RIPK3: variants seen among roughly 807,000 people sequenced by gnomAD.
RIPK3 encodes receptor-interacting serine/threonine-protein kinase 3.
Under a neutral mutation model 51.6 loss-of-function variants are expected in RIPK3, and 51 were observed. The observed-to-expected ratio is 0.99, with a 90% CI of 0.79 to 1.25. The LOEUF is 1.25. Ranked by LOEUF, RIPK3 falls within the 50% of genes most tolerant of loss-of-function variation. RIPK3 has a pLI of 0.00. For missense variants in RIPK3, 654 were observed against 650.4 expected, an observed-to-expected ratio of 1.01 and a Z score of -0.06; for synonymous variants, 246 against 257.7, an observed-to-expected ratio of 0.95 and a Z score of 0.44.
Position 24,337,522 on chromosome 14 carries a change from G to A in RIPK3, c.901-62C>T, listed in dbSNP as rs2042148237. The A allele has an allele frequency of 2.5e-6, 4 of 1,611,410 alleles. No homozygotes were observed. The East Asian group carries it at 6.7e-5, about 27-fold the overall frequency. ...GATGAGCCAGAGTAAACCCAAGGGA[G>A]TAGTCTCTCGGTCCATAATCTGTTG... On this transcript the variant is annotated intron_variant, in intron 7 of 9. Coordinates refer to ENST00000216274, the MANE Select transcript of RIPK3 (RefSeq NM_006871.4).
In RIPK3 at chr14:24,339,313, G is replaced by A; in HGVS notation, c.173C>T (p.Ser58Phe). The A allele has an allele frequency of 6.2e-7, 1 of 1,611,346 alleles. No individual in the cohort carries two copies. Among genetic ancestry groups the A allele is most frequent in the South Asian group, 1.1e-5 (1 of 91,038 alleles). The part of the protein sequence containing the change: ...AVKIVNSKAI[S>F]REVKAMASLD... ...ACTTGCCATGGCCTTGACCTCCCTG[G>A]ATATCGCCTTCCTACACTCCAGGAG... Residue 58 changes from serine to phenylalanine, a missense_variant, in exon 3 of 10, where the codon TCC (serine) becomes TTC (phenylalanine). By Grantham distance (155) the Ser-to-Phe change is radical. Coordinates refer to ENST00000216274, the MANE Select transcript of RIPK3 (RefSeq NM_006871.4). The surrounding 1 kb of genome is among the most constrained non-coding windows in gnomAD (Gnocchi z 4.0).
In RIPK3 at chr14:24,339,724, C is replaced by G. The variant is rs146455083; in HGVS notation, c.20+83G>C. On this transcript the variant is annotated intron_variant, in intron 1 of 9. Transcript: ENST00000216274. This position sits in a 1 kb window ranked among gnomAD's most constrained non-coding sequence, Gnocchi z 4.0. ...CGCCGGCCCCCACCGTCCCCGGACTCAAAGACGTTCTCTGAGCGAGTCTGT... is the reference window on the plus strand; with the variant it reads ...CGCCGGCCCCCACCGTCCCCGGACTGAAAGACGTTCTCTGAGCGAGTCTGT... 4.4e-3 allele frequency: 6,984 copies of G among 1,571,320 alleles called. 39 individuals carry two copies. The highest frequency in any genetic ancestry group is 0.016 in the Middle Eastern group (91 of 5,856).
rs764665306 is a variant in RIPK3, at chr14:24,339,847, G to C, written c.-21C>G. 1.0e-5 allele frequency: 16 copies of C among 1,551,928 alleles called. No homozygotes were observed. The highest frequency in any genetic ancestry group is 1.4e-5 in the Non-Finnish European group (16 of 1,153,970). On this transcript the variant is annotated 5_prime_UTR_variant, in exon 1 of 10. Transcript: ENST00000216274. The surrounding 1 kb of genome is among the most constrained non-coding windows in gnomAD (Gnocchi z 4.0). ...GACATCAGGCTGGAAGGTGCCAGGGGGCCTCTGGAAATTGCGAGCCGTAGG... is the reference window on the plus strand; with the variant it reads ...GACATCAGGCTGGAAGGTGCCAGGGCGCCTCTGGAAATTGCGAGCCGTAGG...
In RIPK3 at chr14:24,337,317, C is replaced by T. The variant is rs1305967014; in HGVS notation, c.1044G>A (p.Trp348Ter). ...HSRNDVMVSE[W>*]LNKLNLEEPP... ...GCTCCTCTAGATTCAGTTTGTTTAG[C>T]CACTCAGAAACCATGACATCATTAC... is the stretch of plus-strand genomic sequence containing the variant. Residue 348 changes from tryptophan to a stop codon, truncating the protein, a stop_gained, in exon 8 of 10, where the codon TGG becomes TGA. Transcript: ENST00000216274. LOFTEE classifies it high-confidence loss of function. 6.2e-7 allele frequency: 1 copy of T among 1,614,066 alleles called. No individual in the cohort carries two copies. The highest frequency in any genetic ancestry group is 1.7e-5 in the Admixed American group (1 of 60,016).
intron 3 of RIPK3, 64 bp downstream of exon 3, chr14:24,338,951 C>T (rs775177041): frequency 2.7e-5 from 35 of 1,320,624 alleles, no homozygotes; most frequent in South Asian, 8.3e-5. Flanking sequence ...TAGTGTCCGG[C>T]GGGCCTGGCT....
In RIPK3 at chr14:24,339,701, C is replaced by G; in HGVS notation, c.21-104G>C. ...TCACTGCAATCCCCAGCCTCCCTCG[C>G]CGGCCCCCACCGTCCCCGGACTCAA... is the stretch of plus-strand genomic sequence containing the variant. On this transcript the variant is annotated intron_variant, in intron 1 of 9. Coordinates refer to ENST00000216274, the MANE Select transcript of RIPK3 (RefSeq NM_006871.4). This position sits in a 1 kb window ranked among gnomAD's most constrained non-coding sequence, Gnocchi z 4.0. 6.3e-7 allele frequency: 1 copy of G among 1,579,856 alleles called. No individual in the cohort carries two copies. Among genetic ancestry groups the G allele is most frequent in the South Asian group, 1.2e-5 (1 of 86,580 alleles).
Position 24,339,946 on chromosome 14 carries a change from T to C in RIPK3, c.-120A>G. 1.9e-6 allele frequency: 2 copies of C among 1,077,146 alleles called. No individual in the cohort carries two copies. Among genetic ancestry groups the C allele is most frequent in the South Asian group, 1.8e-5 (1 of 55,922 alleles). 66.7% of individuals were successfully genotyped at this position (1,077,146 alleles called of 1,614,324 possible). A position where few individuals can be genotyped will look rare whatever the true frequency, so the allele number is the denominator to read the frequency against. ...GTCTGTCTGTGCAGGGGTCAGTCTC[T>C]AGACCAAGACGGTGAGTCTACTTTC... On this transcript the variant is annotated 5_prime_UTR_variant, in exon 1 of 10. Coordinates refer to ENST00000216274, the MANE Select transcript of RIPK3 (RefSeq NM_006871.4). This position sits in a 1 kb window ranked among gnomAD's most constrained non-coding sequence, Gnocchi z 4.0.
chr14:24,339,787 A>AC lies in RIPK3; in HGVS notation c.20+19dup. On this transcript the variant is annotated intron_variant, in intron 1 of 9. Coordinates refer to ENST00000216274, the MANE Select transcript of RIPK3 (RefSeq NM_006871.4). The surrounding 1 kb of genome is among the most constrained non-coding windows in gnomAD (Gnocchi z 4.0). ...GTGTGAATGTCGGAGGCTGCGATCG[A>AC]CATGCCACTCCCTACTCACCATAAC... is the stretch of plus-strand genomic sequence containing the variant. The AC allele has an allele frequency of 6.3e-7, 1 of 1,574,838 alleles. No homozygotes were observed. Among genetic ancestry groups the AC allele is most frequent in the Non-Finnish European group, 8.6e-7 (1 of 1,160,998 alleles).
rs1050532200 is a variant in RIPK3 at position 24,339,834 on chromosome 14, G to C, written c.-8C>G. On this transcript the variant is annotated 5_prime_UTR_variant, in exon 1 of 10. Transcript: ENST00000216274. The surrounding 1 kb of genome is among the most constrained non-coding windows in gnomAD (Gnocchi z 4.0). Reference sequence around the variant, plus strand: ...TAACTTGACGCACGACATCAGGCTGGAAGGTGCCAGGGGGCCTCTGGAAAT... The same window carrying C: ...TAACTTGACGCACGACATCAGGCTGCAAGGTGCCAGGGGGCCTCTGGAAAT... The C allele has an allele frequency of 3.4e-5, 53 of 1,565,388 alleles. No individual in the cohort carries two copies. The highest frequency in any genetic ancestry group is 4.5e-5 in the Non-Finnish European group (52 of 1,159,342).
In RIPK3 at chr14:24,337,287, G is replaced by A; in HGVS notation, c.1074C>T (p.Pro358=). ...TCGGGCATTTTTTAGGAACAGAGCT[G>A]GGAGGCTCCTCTAGATTCAGTTTGT... is the stretch of plus-strand genomic sequence containing the variant. ...WLNKLNLEEP[P]SSVPKKCPSL... The change falls in exon 8 of 10, where the codon CCC becomes CCT. Residue 358 remains proline (P), a synonymous_variant. Coordinates refer to ENST00000216274, the MANE Select transcript of RIPK3 (RefSeq NM_006871.4). The A allele has an allele frequency of 6.2e-7, 1 of 1,614,050 alleles. No individual in the cohort carries two copies. The highest frequency in any genetic ancestry group is 8.5e-7 in the Non-Finnish European group (1 of 1,180,036).
chr14:24,338,869 G>A, intron 3 of RIPK3, 146 bp downstream of exon 3: 1 of 732,214 alleles, frequency 1.4e-6, no homozygotes, highest in Non-Finnish European at 2.2e-6. Context: ...TCCTGGCTGG[G>A]CTTTGTCCCC....
At chr14:24,336,561 A>G (rs2042137876) in intron 9 of RIPK3, 166 bp from the exon 10 acceptor site, 5 of 1,001,406 alleles carry the variant, frequency 5.0e-6, no homozygotes, top group Non-Finnish European at 7.1e-6. Context: ...CAGAAGCTCT[A>G]GAGAGTGGCA....
In RIPK3 at chr14:24,339,873, AGAT is replaced by A; in HGVS notation, c.-50_-48del. On this transcript the variant is annotated 5_prime_UTR_variant, in exon 1 of 10. Coordinates refer to ENST00000216274, the MANE Select transcript of RIPK3 (RefSeq NM_006871.4). The surrounding 1 kb of genome is among the most constrained non-coding windows in gnomAD (Gnocchi z 4.0). ...GCCTCTGGAAATTGCGAGCCGTAGG[AGAT>A]GGAGTGACTTCTGGGGCTTGGTCCT... 2 of 1,538,550 alleles carry A rather than the reference AGAT, an allele frequency of 1.3e-6. No individual in the cohort carries two copies. The highest frequency in any genetic ancestry group is 1.7e-6 in the Non-Finnish European group (2 of 1,146,870).
At position 24,339,629 on chromosome 14, in the gene RIPK3, G is replaced by C. The variant is rs776772061; in HGVS notation, c.21-32C>G. 1.2e-6 allele frequency: 2 copies of C among 1,612,824 alleles called. No homozygotes were observed. Among genetic ancestry groups the C allele is most frequent in the South Asian group, 2.2e-5 (2 of 91,008 alleles). Reference sequence around the variant, plus strand: ...GAGGGGTGTCGCCCACTAGCCGGCCGTGCCGTGCCTCAGCGCTGCTCCCCG... The same window carrying C: ...GAGGGGTGTCGCCCACTAGCCGGCCCTGCCGTGCCTCAGCGCTGCTCCCCG... On this transcript the variant is annotated intron_variant, in intron 1 of 9. Coordinates refer to ENST00000216274, the MANE Select transcript of RIPK3 (RefSeq NM_006871.4). This position sits in a 1 kb window ranked among gnomAD's most constrained non-coding sequence, Gnocchi z 4.0.
rs1490999467 is a variant in RIPK3 at position 24,337,454 on chromosome 14, C to A, written c.907G>T (p.Asp303Tyr). The A allele has an allele frequency of 6.2e-7, 1 of 1,612,712 alleles. No homozygotes were observed. The highest frequency in any genetic ancestry group is 2.2e-5 in the East Asian group (1 of 44,854). The change falls in exon 8 of 10, where the codon GAT becomes TAT. Residue 303 changes from aspartate to tyrosine, a missense_variant. Transcript: ENST00000216274. ...NMNAAVSTVK[D>Y]FLSQLRSSNR... ...CTGCTCCTGAGCTGAGACAGGAAAT[C>A]CTTTACCTGCAGGGATGGGAGGAGT...
Position 24,338,481 on chromosome 14 carries a change from C to A in RIPK3, c.558G>T (p.Leu186Phe). ...SGEPGGTLGY[L>F]APELFVNVNR... is the part of the protein sequence containing the mutation. The stretch of plus-strand genomic sequence containing the variant: ...TTACGTTAACAAACAGTTCTGGGGC[C>A]AAGTAGCCCAGGGTGCCCCCTGGCT... The change falls in exon 4 of 10, where the codon TTG becomes TTT. Residue 186 changes from leucine (L) to phenylalanine (F), a missense_variant. Physicochemically the swap from Leu to Phe is conservative, Grantham distance 22 (BLOSUM62 0). Coordinates refer to ENST00000216274, the MANE Select transcript of RIPK3 (RefSeq NM_006871.4). 1 of 1,613,930 alleles carries A rather than the reference C, an allele frequency of 6.2e-7. No homozygotes were observed. The highest frequency in any genetic ancestry group is 8.5e-7 in the Non-Finnish European group (1 of 1,179,822).
intron 3 of RIPK3, 149 bp downstream of exon 3, chr14:24,338,866 T>A: frequency 1.4e-6 from 1 of 719,692 alleles, no homozygotes; most frequent in Non-Finnish European, 2.3e-6. Context: ...AACTCCTGGC[T>A]GGGCTTTGTC....
chr14:24,336,605 G>C, intron 9 of RIPK3: 2 of 740,114 alleles, frequency 2.7e-6, no homozygotes, highest in Non-Finnish European at 4.3e-6. Flanking sequence ...TTTTTGCTGG[G>C]AGGTCCTCTG....
chr14:24,336,516 C>T (rs2042137408), intron 9 of RIPK3, 121 bp from the exon 10 acceptor site: 2 of 1,376,120 alleles, frequency 1.5e-6, no homozygotes, highest in Non-Finnish European at 2.0e-6. Flanking sequence ...GCCCTGTGCT[C>T]CTCCCCTCAG....
Sources: allele counts gnomAD v4.1 joint callset, GRCh38; gene constraint gnomAD v4.1.1; non-coding constraint Gnocchi (gnomAD v3.1); transcripts MANE v1.5; gene names NCBI Gene and HGNC (gene_info 2026-07-23, HGNC 2026-07-21).